SPG21: variants seen among roughly 807,000 people sequenced by gnomAD.
SPG21 encodes SPG21 abhydrolase domain containing, maspardin, also known as maspardin.
In SPG21, 26 loss-of-function variants were observed where a neutral mutation model predicts 38.9. The ratio of observed to expected loss-of-function variants is 0.67; its 90% CI spans 0.49 to 0.93. The LOEUF is 0.93. SPG21 is among the 40% of genes least tolerant of loss of function. SPG21 has a pLI of 0.00. For synonymous variants in SPG21, 136 were observed against 128.9 expected (o/e 1.05, Z -0.37); for missense variants, 333 against 376.5 (o/e 0.88, Z 0.96).
intron 7 of SPG21, among the ~76,000 whole-genome samples, chr15:64,966,168 C>T (rs1238802978): frequency 6.6e-6 from 1 of 152,084 alleles, no homozygotes; most frequent in Non-Finnish European, 1.5e-5. Context: ...AAGCAATAAA[C>T]TAAGTCATTT....
At chr15:64,972,413 T>G (rs4346160) in intron 5 of SPG21, among the ~76,000 whole-genome samples, 1 of 152,050 alleles carries the variant, frequency 6.6e-6, no homozygotes, top group Non-Finnish European at 1.5e-5. Context: ...AGAACAGCAA[T>G]AAAAATCACC....
At chr15:64,970,779 C>A (rs977756268) in intron 5 of SPG21, among the ~76,000 whole-genome samples, 9 of 152,102 alleles carry the variant, frequency 5.9e-5, no homozygotes, top group Admixed American at 1.3e-4. Context: ...CAGTCAGTTA[C>A]CCATGCTGGA....
At chr15:64,978,473 A>T (rs2085827583) in intron 3 of SPG21, among the ~76,000 whole-genome samples, 1 of 151,876 alleles carries the variant, frequency 6.6e-6, no homozygotes, top group Non-Finnish European at 1.5e-5. Flanking sequence ...AAAACAAAAA[A>T]ACTCCCCCAA....
intron 5 of SPG21, among the ~76,000 whole-genome samples, chr15:64,971,795 C>A (rs1341274184): frequency 2.0e-5 from 3 of 152,176 alleles, no homozygotes; most frequent in Non-Finnish European, 4.4e-5. Context: ...CGTGCCACTG[C>A]ACTCCAGCCT....
At chr15:64,981,090 A>G (rs2085876896) in intron 2 of SPG21, 65 bp from the exon 3 acceptor site, 4 of 1,592,600 alleles carry the variant, frequency 2.5e-6, no homozygotes, top group Non-Finnish European at 1.7e-6. Flanking sequence ...GTTATTTTAC[A>G]CTGTCATTTC....
rs2086078568 is a variant in SPG21, at chr15:64,989,763, G to C, written c.-123C>G. On this transcript the variant is annotated 5_prime_UTR_variant, in exon 1 of 9. Transcript: ENST00000204566. The stretch of plus-strand genomic sequence containing the variant: ...TGGAGGCGGCTGGGCCCGGGTCGGG[G>C]CGGGCGGCGGAGCACTCGGGACCCA... 1.3e-5 allele frequency: 2 copies of C among 152,070 alleles called. No homozygotes were observed. Among genetic ancestry groups the C allele is most frequent in the Admixed American group, 1.3e-4 (2 of 15,266 alleles). The allele number at this position is 152,070 out of a possible 1,614,324, so 9.4% of individuals were successfully genotyped here.
intron 1 of SPG21, among the ~76,000 whole-genome samples, chr15:64,984,312 G>C (rs1188323723): frequency 2.0e-5 from 3 of 152,176 alleles, no homozygotes; most frequent in Non-Finnish European, 2.9e-5. Flanking sequence ...GCTCCTGTCT[G>C]ATTATAGGGA....
Position 64,977,425 on chromosome 15 carries a change from T to C in SPG21, c.226-870A>G, listed in dbSNP as rs188710542. On this transcript the variant is annotated intron_variant, in intron 3 of 8. Transcript: ENST00000204566. ...CCCAGGCTGGAGTGCATTGGCACGA[T>C]TGTAGCTCACTGCAGCCACAACCTC... Among the ~76,000 whole-genome samples, 450 of 152,192 alleles carry C rather than the reference T, an allele frequency of 3.0e-3. 2 individuals are homozygous for C. Among genetic ancestry groups the C allele is most frequent in the African/African-American group, 0.01 (434 of 41,528 alleles).
intron 1 of SPG21, among the ~76,000 whole-genome samples, chr15:64,985,371 G>A (rs767104887): frequency 2.0e-5 from 3 of 152,176 alleles, no homozygotes; most frequent in Non-Finnish European, 4.4e-5. Context: ...TTGATTGAAC[G>A]AATAACTACA....
At chr15:64,983,444 TA>T in intron 2 of SPG21, 62 bp downstream of exon 2, 1 of 1,182,210 alleles carries the variant, frequency 8.5e-7, no homozygotes, top group Non-Finnish European at 1.2e-6. Flanking sequence ...ACATGACATC[TA>T]AATCACACAC....
chr15:64,977,566 A>G (rs1002881484), intron 3 of SPG21, among the ~76,000 whole-genome samples: 4 of 151,830 alleles, frequency 2.6e-5, no homozygotes, highest in African/African-American at 9.7e-5. Context: ...GGGTTTTGCC[A>G]CGTTGCCCAG....
intron 8 of SPG21, among the ~76,000 whole-genome samples, chr15:64,964,512 A>C (rs74019393): frequency 6.6e-6 from 1 of 152,132 alleles, no homozygotes; most frequent in Non-Finnish European, 1.5e-5. Context: ...GCCAGGATAT[A>C]ACTGGTTTTT....
At chr15:64,969,538 G>C (rs902348123) in intron 6 of SPG21, among the ~76,000 whole-genome samples, 176 bp from the exon 7 acceptor site, 8 of 152,154 alleles carry the variant, frequency 5.3e-5, no homozygotes, top group African/African-American at 1.9e-4. Flanking sequence ...TTCTCAGGAG[G>C]TTGTGGCATT....
intron 3 of SPG21, among the ~76,000 whole-genome samples, chr15:64,979,175 A>G (rs2085839801): frequency 6.6e-6 from 1 of 152,212 alleles, no homozygotes. Context: ...AGCGCACAAC[A>G]AGAACCTTGA....
chr15:64,965,965 G>A (rs575512013), intron 7 of SPG21, among the ~76,000 whole-genome samples: 3 of 152,246 alleles, frequency 2.0e-5, no homozygotes, highest in African/African-American at 7.2e-5. Flanking sequence ...GCCTCCCAAA[G>A]TGCTGGGATT....
chr15:64,974,665 G>A lies in SPG21; in HGVS notation c.389C>T (p.Ser130Phe). The change falls in exon 5 of 9, where the codon TCC becomes TTC. Residue 130 changes from serine (S) to phenylalanine (F), a missense_variant. By Grantham distance (155) the Ser-to-Phe change is radical (BLOSUM62 -2). Coordinates refer to ENST00000204566, the MANE Select transcript of SPG21 (RefSeq NM_016630.7). ...EYTHKSPRVH[S>F]LILCNSFSDT... is the part of the protein sequence containing the mutation. ...ACTGAAGGAATTGCAGAGGATTAGG[G>A]AATGGACTCTAGGAGATTTGTGAGT... 1 of 1,614,158 alleles carries A rather than the reference G, an allele frequency of 6.2e-7. No individual in the cohort carries two copies. Among genetic ancestry groups the A allele is most frequent in the Non-Finnish European group, 8.5e-7 (1 of 1,180,030 alleles).
intron 8 of SPG21, among the ~76,000 whole-genome samples, chr15:64,964,278 T>G (rs72740673): frequency 0.017 from 2,536 of 152,338 alleles, 30 homozygotes; most frequent in Admixed American, 0.024. Flanking sequence ...CTGCAGAGTC[T>G]CCTGAGACAT....
Position 64,974,713 on chromosome 15 carries a change from A to G in SPG21, c.341T>C (p.Leu114Ser), listed in dbSNP as rs773820762. The change falls in exon 5 of 9, where the codon TTG becomes TCG. Residue 114 changes from leucine (L) to serine (S), a missense_variant. Transcript: ENST00000204566. ...HLFGASLGGFLAQKFAEYTHK... is the reference protein window; with the variant it reads ...HLFGASLGGFSAQKFAEYTHK... ...AGTGTATTCAGCAAATTTCTGGGCC[A>G]AAAAGCCTCCCAAAGAAGCGCCAAA... 1 of 1,614,170 alleles carries G rather than the reference A, an allele frequency of 6.2e-7. No homozygotes were observed. Among genetic ancestry groups the G allele is most frequent in the Non-Finnish European group, 8.5e-7 (1 of 1,180,010 alleles).
At chr15:64,969,082 C>G (rs577518582) in intron 7 of SPG21, among the ~76,000 whole-genome samples, 173 bp downstream of exon 7, 1 of 151,954 alleles carries the variant, frequency 6.6e-6, no homozygotes, top group East Asian at 1.9e-4. Context: ...AGAAAGAAAT[C>G]CAAGATAAGC....
Sources: allele counts gnomAD v4.1 joint callset (sites outside exome capture counted in the v4.1 genomes callset), GRCh38; gene constraint gnomAD v4.1.1; transcripts MANE v1.5; gene names NCBI Gene and HGNC (gene_info 2026-07-23, HGNC 2026-07-21).